The following SLC16A9 variants were observed in gnomAD, a reference collection of about 807,000 sequenced individuals.
The protein encoded by SLC16A9 is monocarboxylate transporter 9.
A neutral mutation model predicts 44.3 loss-of-function variants in SLC16A9; 26 were observed. The ratio of observed to expected loss-of-function variants is 0.59; its 90% CI spans 0.43 to 0.81. The LOEUF is 0.81. Ranked by LOEUF, SLC16A9 falls within the 40% of genes least tolerant of loss-of-function variation. The probability of loss-of-function intolerance (pLI) is 0.00; values close to 1 mark genes in which losing one functional copy is unlikely to be tolerated. For missense variants in SLC16A9, 559 were observed against 595.8 expected (o/e 0.94, Z 0.64); for synonymous variants, 230 against 225.1 (o/e 1.02, Z -0.19).
chr10:59,696,856 C>A (rs1026683771), intron 1 of SLC16A9, among the ~76,000 whole-genome samples: 4 of 150,360 alleles, frequency 2.7e-5, no homozygotes, highest in African/African-American at 4.9e-5. Flanking sequence ...AGCGAGGAGC[C>A]CCTCCGCCCA....
intron 4 of SLC16A9, among the ~76,000 whole-genome samples, chr10:59,655,545 A>G (rs912889668): frequency 7.3e-6 from 1 of 136,650 alleles, no homozygotes; most frequent in African/African-American, 2.5e-5. Flanking sequence ...AGAAAAGTAG[A>G]ATTTTTTTAG....
intron 1 of SLC16A9, among the ~76,000 whole-genome samples, chr10:59,700,519 T>C (rs1313304064): frequency 1.3e-5 from 2 of 152,228 alleles, no homozygotes; most frequent in Admixed American, 6.5e-5. Flanking sequence ...TAAGTTTGTA[T>C]TTCACATGAG....
chr10:59,700,091 C>T (rs1840490056), intron 1 of SLC16A9, among the ~76,000 whole-genome samples: 2 of 152,192 alleles, frequency 1.3e-5, no homozygotes, highest in South Asian at 4.1e-4. Context: ...GAATGACAAT[C>T]ATAGGCTGCT....
In SLC16A9 at chr10:59,654,046, A is replaced by G; in HGVS notation, c.980T>C (p.Met327Thr). The change falls in exon 5 of 6, where the codon ATG becomes ACG. Residue 327 changes from methionine (M) to threonine (T), a missense_variant. Physicochemically the swap from Met to Thr is moderately conservative, Grantham distance 81. Coordinates refer to ENST00000395348, the MANE Select transcript of SLC16A9 (RefSeq NM_194298.3). ...GTTTGAACTTCTTGCTACATCTTCC[A>G]TAAGTAATGAAGGTGGAAACCCTCC... ...DIGGFPPSLL[M>T]EDVARSSNVK... 6.2e-6 allele frequency: 10 copies of G among 1,614,072 alleles called. No individual in the cohort carries two copies. Among genetic ancestry groups the G allele is most frequent in the Non-Finnish European group, 8.5e-6 (10 of 1,180,022 alleles).
chr10:59,697,335 T>A (rs1473880584), intron 1 of SLC16A9, among the ~76,000 whole-genome samples: 1 of 150,498 alleles, frequency 6.6e-6, no homozygotes, highest in Non-Finnish European at 1.5e-5. Context: ...ATGGCTGCCG[T>A]GTCTGTGTAG....
chr10:59,660,879 A>G (rs1564697078), intron 4 of SLC16A9, among the ~76,000 whole-genome samples: 1 of 152,256 alleles, frequency 6.6e-6, no homozygotes. Flanking sequence ...AATCCATCAC[A>G]TAAACAAAAC....
At chr10:59,677,079 A>T (rs1267149523) in intron 2 of SLC16A9, among the ~76,000 whole-genome samples, 2 of 151,420 alleles carry the variant, frequency 1.3e-5, no homozygotes, top group Middle Eastern at 3.4e-3. Flanking sequence ...ACACACACAC[A>T]CTCATACATT....
At chr10:59,691,274 C>T (rs987722765) in intron 1 of SLC16A9, among the ~76,000 whole-genome samples, 4 of 152,076 alleles carry the variant, frequency 2.6e-5, no homozygotes, top group Admixed American at 1.3e-4. Flanking sequence ...TTTGGAATCT[C>T]CTTCAACCAG....
chr10:59,669,538 A>C (rs1235698087), intron 3 of SLC16A9, among the ~76,000 whole-genome samples: 1 of 152,226 alleles, frequency 6.6e-6, no homozygotes, highest in Non-Finnish European at 1.5e-5. Flanking sequence ...ATCTATTTAA[A>C]GTACAGAATA....
In SLC16A9 at chr10:59,668,222, C is replaced by T. The variant is rs552800959; in HGVS notation, c.341-3900G>A. 8.5e-5 allele frequency among the ~76,000 whole-genome samples: 13 copies of T among 152,316 alleles called. No individual in the cohort carries two copies. In the East Asian group the frequency reaches 2.5e-3, roughly 29 times the overall value. ...ACCTCATTAAACTGTTAGCATCTGG[C>T]CTCTGTTACATACCATGCTTTGACA... On this transcript the variant is annotated intron_variant, in intron 3 of 5. Coordinates refer to ENST00000395348, the MANE Select transcript of SLC16A9 (RefSeq NM_194298.3).
intron 4 of SLC16A9, among the ~76,000 whole-genome samples, chr10:59,658,416 G>A (rs1012814921): frequency 2.6e-5 from 4 of 152,010 alleles, no homozygotes; most frequent in Non-Finnish European, 5.9e-5. Flanking sequence ...TTTCATCAAC[G>A]TACTATTATC....
chr10:59,653,723 A>G lies in SLC16A9; in HGVS notation c.1303T>C (p.Leu435=). The G allele has an allele frequency of 1.2e-6, 2 of 1,614,120 alleles. No individual in the cohort carries two copies. The highest frequency in any genetic ancestry group is 1.7e-6 in the Non-Finnish European group (2 of 1,179,996). Reference sequence around the variant, plus strand: ...TTTCCAAGTCCAGCAAAGAACATTAATATCCCATAGGCATGGGCTAATTTT... The same window carrying G: ...TTTCCAAGTCCAGCAAAGAACATTAGTATCCCATAGGCATGGGCTAATTTT... ...IEKLAHAYGI[L]MFFAGLGNSL... Residue 435 remains leucine (L), a synonymous_variant, in exon 5 of 6, where the codon TTA becomes CTA. Transcript: ENST00000395348.
At chr10:59,694,801 A>AATATATAT (rs1554874045) in intron 1 of SLC16A9, among the ~76,000 whole-genome samples, 1,794 of 72,278 alleles carry the variant, frequency 0.025, 277 homozygotes, top group Admixed American at 0.069. Flanking sequence ...CTCCATCTCA[A>AATATATAT]ATATATATAT....
chr10:59,687,940 A>G (rs1203535843), intron 1 of SLC16A9, among the ~76,000 whole-genome samples: 2 of 149,798 alleles, frequency 1.3e-5, no homozygotes. Context: ...AGTGTGGGTG[A>G]CACAGTGAGA....
chr10:59,688,098 A>T (rs1468379346), intron 1 of SLC16A9, among the ~76,000 whole-genome samples: 3 of 152,194 alleles, frequency 2.0e-5, no homozygotes, highest in Non-Finnish European at 4.4e-5. Flanking sequence ...CTTAACCTGT[A>T]CCTTCCATGT....
chr10:59,698,722 C>T (rs1840455200), intron 1 of SLC16A9, among the ~76,000 whole-genome samples: 1 of 151,874 alleles, frequency 6.6e-6, no homozygotes, highest in African/African-American at 2.4e-5. Context: ...AAAGCCAACA[C>T]TTTGTCTCTC....
At chr10:59,653,062 C>G (rs1200701753) in intron 5 of SLC16A9, 112 bp from the exon 6 acceptor site, 3 of 683,984 alleles carry the variant, frequency 4.4e-6, no homozygotes, top group East Asian at 6.5e-5. Context: ...ATATATTACT[C>G]CACTACTTCC....
intron 1 of SLC16A9, among the ~76,000 whole-genome samples, chr10:59,692,202 T>G (rs1877795): frequency 0.037 from 5,709 of 152,320 alleles, 162 homozygotes; most frequent in Non-Finnish European, 0.042. Flanking sequence ...AAATGGTTGA[T>G]TCCAGGTTGA....
At chr10:59,661,270 G>A (rs182261571) in intron 4 of SLC16A9, among the ~76,000 whole-genome samples, 134 of 152,240 alleles carry the variant, frequency 8.8e-4, no homozygotes, top group African/African-American at 2.3e-3. Context: ...ATCTCAGCCC[G>A]AAATCTCCTG....
Sources: gnomAD v4.1 joint callset for allele counts (sites outside exome capture counted in the v4.1 genomes callset) on GRCh38, gnomAD v4.1.1 for gene constraint, MANE v1.5 for transcripts, NCBI Gene and HGNC (gene_info 2026-07-23, HGNC 2026-07-21) for gene names.